The following ITCH variants were observed in gnomAD, a reference collection of about 807,000 sequenced individuals.
The protein encoded by ITCH is itchy E3 ubiquitin protein ligase, also known as E3 ubiquitin-protein ligase Itchy homolog.
Under a neutral mutation model 126.8 loss-of-function variants are expected in ITCH, and 28 were observed. That is an observed-to-expected ratio of 0.22 (90% CI 0.16 to 0.30). The LOEUF is 0.30. Ranked by LOEUF, ITCH falls within the 10% of genes least tolerant of loss-of-function variation. ITCH has a pLI of 1.00. For synonymous variants in ITCH, 342 were observed against 340.0 expected (o/e 1.01, Z -0.06); for missense variants, 631 against 1,032.4 (o/e 0.61, Z 5.33).
intron 1 of ITCH, among the ~76,000 whole-genome samples, chr20:34,365,650 C>T (rs1208627613): frequency 3.9e-5 from 6 of 152,152 alleles, no homozygotes; most frequent in African/African-American, 7.2e-5. Context: ...CTCCTGACCT[C>T]GTGATCCACC....
intron 7 of ITCH, among the ~76,000 whole-genome samples, chr20:34,435,049 A>G (rs1280176576): frequency 6.6e-6 from 1 of 152,154 alleles, no homozygotes; most frequent in Non-Finnish European, 1.5e-5. Flanking sequence ...ATTAATTTTA[A>G]TACCAGCACA....
chr20:34,483,218 T>G (rs1019944533), intron 20 of ITCH, among the ~76,000 whole-genome samples: 1 of 152,208 alleles, frequency 6.6e-6, no homozygotes, highest in East Asian at 1.9e-4. Context: ...CCACATTGTC[T>G]TGGGGATTAA....
intron 14 of ITCH, among the ~76,000 whole-genome samples, chr20:34,468,522 G>A (rs1442301179): frequency 2.0e-5 from 3 of 151,930 alleles, no homozygotes; most frequent in Admixed American, 6.6e-5. Flanking sequence ...CGGGCATGGT[G>A]GCTCACGCCT....
chr20:34,472,166 A>G (rs1987695960), intron 16 of ITCH, among the ~76,000 whole-genome samples: 1 of 152,054 alleles, frequency 6.6e-6, no homozygotes, highest in Admixed American at 6.6e-5. Context: ...ACCTGAGGTC[A>G]GGAGTTTGAG....
intron 14 of ITCH, among the ~76,000 whole-genome samples, chr20:34,466,762 C>T (rs1336634159): frequency 1.3e-5 from 2 of 152,150 alleles, no homozygotes; most frequent in South Asian, 2.1e-4. Context: ...TAAAACACCA[C>T]ATATCACAAT....
chr20:34,504,270 G>T, intron 23 of ITCH, 61 bp from the exon 24 acceptor site: 1 of 1,233,710 alleles, frequency 8.1e-7, no homozygotes, highest in South Asian at 1.2e-5. Flanking sequence ...TTGTTGGATT[G>T]GGGAACACAG....
In ITCH at chr20:34,510,304, T is replaced by G. The variant is rs1325535916; in HGVS notation, c.*2510T>G. On this transcript the variant is annotated 3_prime_UTR_variant, in exon 25 of 25. Coordinates refer to ENST00000374864, the MANE Select transcript of ITCH (RefSeq NM_031483.7). ...ACATAAATATCTACCAAATGCTATC[T>G]TAAATTTTGGTCCAAACTGAACATA... 1.3e-5 allele frequency: 2 copies of G among 152,768 alleles called. No individual in the cohort carries two copies. The highest frequency in any genetic ancestry group is 2.9e-5 in the Non-Finnish European group (2 of 68,036). The allele number at this position is 152,768 out of a possible 1,614,324, so 9.5% of individuals were successfully genotyped here. A position where few individuals can be genotyped will look rare whatever the true frequency, so the allele number is the denominator to read the frequency against.
At chr20:34,389,220 G>A (rs961100849) in intron 2 of ITCH, among the ~76,000 whole-genome samples, 1 of 151,840 alleles carries the variant, frequency 6.6e-6, no homozygotes, top group Non-Finnish European at 1.5e-5. Context: ...GTCTCACTAT[G>A]TTGCCCACAC....
At chr20:34,477,996 C>A in intron 17 of ITCH, 136 bp downstream of exon 17, 3 of 1,137,692 alleles carry the variant, frequency 2.6e-6, no homozygotes, top group Non-Finnish European at 3.8e-6. Flanking sequence ...CTTTATTATG[C>A]TGTAGCTACA....
chr20:34,468,643 T>C (rs1242478225), intron 14 of ITCH, among the ~76,000 whole-genome samples: 1 of 151,626 alleles, frequency 6.6e-6, no homozygotes, highest in African/African-American at 2.4e-5. Flanking sequence ...ATACAAAAAT[T>C]AGTCAGTCAT....
intron 16 of ITCH, among the ~76,000 whole-genome samples, chr20:34,472,547 A>G (rs893693301): frequency 6.6e-6 from 1 of 152,230 alleles, no homozygotes; most frequent in Non-Finnish European, 1.5e-5. Flanking sequence ...TCCTTGTTTT[A>G]TAGCCAGATG....
intron 7 of ITCH, among the ~76,000 whole-genome samples, chr20:34,437,793 A>T (rs1263617158): frequency 6.6e-6 from 1 of 152,210 alleles, no homozygotes; most frequent in African/African-American, 2.4e-5. Flanking sequence ...AAGGAAAAGG[A>T]ATCAGCTATA....
At chr20:34,458,963 A>G (rs553156834) in intron 13 of ITCH, among the ~76,000 whole-genome samples, 2 of 152,306 alleles carry the variant, frequency 1.3e-5, no homozygotes, top group South Asian at 4.1e-4. Context: ...TGCATTTATC[A>G]GACTGCCAGA....
At chr20:34,506,862 AT>A (rs1159985589) in intron 24 of ITCH, among the ~76,000 whole-genome samples, 4 of 152,196 alleles carry the variant, frequency 2.6e-5, no homozygotes, top group African/African-American at 2.4e-5. Context: ...TTAGAATAAT[AT>A]CTTTAATTTT....
chr20:34,425,542 C>T (rs979147824), intron 7 of ITCH, among the ~76,000 whole-genome samples: 26 of 152,130 alleles, frequency 1.7e-4, no homozygotes, highest in African/African-American at 5.8e-4. Context: ...GCCAACCATT[C>T]GTTCTATTCT....
chr20:34,469,796 T>C (rs1053337071), intron 14 of ITCH, among the ~76,000 whole-genome samples: 1 of 152,224 alleles, frequency 6.6e-6, no homozygotes, highest in East Asian at 1.9e-4. Flanking sequence ...CTCTTAGATT[T>C]GGCAGCATAG....
chr20:34,426,549 G>A (rs1044927530), intron 7 of ITCH, among the ~76,000 whole-genome samples: 1 of 151,044 alleles, frequency 6.6e-6, no homozygotes, highest in East Asian at 2.0e-4. Flanking sequence ...GGGTTCAAGC[G>A]ATTCTCTTGC....
chr20:34,419,414 T>C (rs1395434998), intron 6 of ITCH, among the ~76,000 whole-genome samples: 1 of 152,204 alleles, frequency 6.6e-6, no homozygotes, highest in Non-Finnish European at 1.5e-5. Flanking sequence ...CTTTAAAAGT[T>C]TTATCCTATG....
intron 14 of ITCH, among the ~76,000 whole-genome samples, chr20:34,462,989 T>C (rs1425073652): frequency 6.6e-6 from 1 of 152,258 alleles, no homozygotes; most frequent in African/African-American, 2.4e-5. Flanking sequence ...TATCACATTT[T>C]GTTTATTCAC....
Sources: gnomAD v4.1 joint callset for allele counts (sites outside exome capture counted in the v4.1 genomes callset) on GRCh38, gnomAD v4.1.1 for gene constraint, MANE v1.5 for transcripts, NCBI Gene and HGNC (gene_info 2026-07-23, HGNC 2026-07-21) for gene names.